The following FAM117A variants were observed in gnomAD, a reference collection of about 807,000 sequenced individuals.
The protein encoded by FAM117A is protein FAM117A.
Under a neutral mutation model 44.1 loss-of-function variants are expected in FAM117A, and 21 were observed. The ratio of observed to expected loss-of-function variants is 0.48; its 90% CI spans 0.34 to 0.69. The LOEUF is 0.69. FAM117A is among the 30% of genes least tolerant of loss of function. FAM117A has a pLI of 0.01. For missense variants in FAM117A, 498 were observed against 589.9 expected (o/e 0.84, Z 1.61); for synonymous variants, 220 against 238.3 (o/e 0.92, Z 0.71).
chr17:49,725,278 C>CT (rs1213254828), intron 2 of FAM117A, among the ~76,000 whole-genome samples: 1 of 152,188 alleles, frequency 6.6e-6, no homozygotes, highest in Non-Finnish European at 1.5e-5. Context: ...CAGATGGGCT[C>CT]TGAGTGTACA....
At chr17:49,755,273 T>C (rs1419203230) in intron 1 of FAM117A, among the ~76,000 whole-genome samples, 1 of 152,136 alleles carries the variant, frequency 6.6e-6, no homozygotes, top group East Asian at 1.9e-4. Flanking sequence ...GCTTTCAGCC[T>C]GATCACACCT....
chr17:49,718,598 G>A (rs907078689), intron 5 of FAM117A, among the ~76,000 whole-genome samples: 7 of 151,954 alleles, frequency 4.6e-5, no homozygotes, highest in African/African-American at 1.7e-4. Context: ...GTGAACCCAG[G>A]AGGCGGAGCT....
At chr17:49,782,101 C>T (rs1318269055) in intron 1 of FAM117A, among the ~76,000 whole-genome samples, 8 of 151,974 alleles carry the variant, frequency 5.3e-5, no homozygotes, top group South Asian at 4.1e-4. Flanking sequence ...TTGGGTCAGG[C>T]GTGGTGGCTC....
At chr17:49,724,117 C>T (rs939201544) in intron 2 of FAM117A, among the ~76,000 whole-genome samples, 1 of 152,068 alleles carries the variant, frequency 6.6e-6, no homozygotes, top group African/African-American at 2.4e-5. Flanking sequence ...AGGGTTCTAC[C>T]AGACAAAGCC....
In FAM117A at chr17:49,710,947, T is replaced by C. The variant is rs1203498465; in HGVS notation, c.*308A>G. ...AAATAAGGGCCTCCTATACAGTCAT[T>C]TGGACTGACACCCAGGGGTGGGGGA... On this transcript the variant is annotated 3_prime_UTR_variant, in exon 8 of 8. Coordinates refer to ENST00000240364, the MANE Select transcript of FAM117A (RefSeq NM_030802.4). The C allele has an allele frequency of 6.1e-5, 18 of 293,130 alleles. No individual in the cohort carries two copies. Among genetic ancestry groups the C allele is most frequent in the East Asian group, 3.7e-4 (6 of 16,118 alleles). The allele number at this position is 293,130 out of a possible 1,614,324, so 18.2% of individuals were successfully genotyped here.
At chr17:49,759,550 C>A (rs1053246302) in intron 1 of FAM117A, among the ~76,000 whole-genome samples, 4 of 152,186 alleles carry the variant, frequency 2.6e-5, no homozygotes, top group Non-Finnish European at 5.9e-5. Context: ...CTCATTATAG[C>A]AAGATGATGC....
At chr17:49,723,761 G>A (rs2073546375) in intron 2 of FAM117A, among the ~76,000 whole-genome samples, 1 of 151,954 alleles carries the variant, frequency 6.6e-6, no homozygotes. Context: ...GGCCGTATGT[G>A]ACAGCTGCAG....
intron 1 of FAM117A, 43 bp from the exon 2 acceptor site, chr17:49,732,763 G>A: frequency 6.3e-7 from 1 of 1,588,754 alleles, no homozygotes; most frequent in Non-Finnish European, 8.6e-7. Context: ...TCAGCATGGA[G>A]GAAGGAGACG....
Position 49,758,646 on chromosome 17 carries a change from T to A in FAM117A, c.196+5246A>T, listed in dbSNP as rs948694319. Reference sequence around the variant, plus strand: ...CAAAAAAAAAAAAAAATAAAATAAATAAATAAATAAATAAATAAATAAATA... The same window carrying A: ...CAAAAAAAAAAAAAAATAAAATAAAAAAATAAATAAATAAATAAATAAATA... On this transcript the variant is annotated intron_variant, in intron 1 of 7. Coordinates refer to ENST00000240364, the MANE Select transcript of FAM117A (RefSeq NM_030802.4). 6.7e-4 allele frequency among the ~76,000 whole-genome samples: 91 copies of A among 136,544 alleles called. No homozygotes were observed. In the East Asian group the frequency reaches 6.9e-3, roughly 10 times the overall value. 89.6% of individuals were successfully genotyped at this position (136,544 alleles called of 152,430 possible).
At position 49,711,351 on chromosome 17, in the gene FAM117A, C is replaced by T. The variant is rs372195564; in HGVS notation, c.1266G>A (p.Pro422=). 19 of 1,609,294 alleles carry T rather than the reference C, an allele frequency of 1.2e-5. No individual in the cohort carries two copies. The Admixed American group carries it at 1.5e-4, about 13-fold the overall frequency. ...GCAGTGGGGAGGCCTTGGAGGCTTC[C>T]GGATCCTTCCGAGGTGGTGGCCTGG... ...ASPRPPPRKD[P]EASKASPLPF... is the part of the protein sequence containing the mutation. The change falls in exon 8 of 8, where the codon CCG becomes CCA. Residue 422 remains proline (P), a synonymous_variant. Coordinates refer to ENST00000240364, the MANE Select transcript of FAM117A (RefSeq NM_030802.4).
rs535769861 is a variant in FAM117A at position 49,758,760 on chromosome 17, C to A, written c.196+5132G>T. Among the ~76,000 whole-genome samples the A allele has an allele frequency of 2.0e-5, 3 of 152,056 alleles. No homozygotes were observed. In the East Asian group the frequency reaches 5.8e-4, roughly 29 times the overall value. Reference sequence around the variant, plus strand: ...TCAGAACACTTGAGCTAGAGTCAAACGTGATAGTGTCAGTAAGAACTCCAT... The same window carrying A: ...TCAGAACACTTGAGCTAGAGTCAAAAGTGATAGTGTCAGTAAGAACTCCAT... On this transcript the variant is annotated intron_variant, in intron 1 of 7. Coordinates refer to ENST00000240364, the MANE Select transcript of FAM117A (RefSeq NM_030802.4).
chr17:49,751,316 C>A (rs1475786577), intron 1 of FAM117A, among the ~76,000 whole-genome samples: 1 of 149,834 alleles, frequency 6.7e-6, no homozygotes, highest in Admixed American at 6.6e-5. Flanking sequence ...CGCGCTGGCT[C>A]ACACCTGTAA....
rs1383951610 is a variant in FAM117A at position 49,710,871 on chromosome 17, A to G, written c.*384T>C. 1 of 171,122 alleles carries G rather than the reference A, an allele frequency of 5.8e-6. No individual in the cohort carries two copies. Among genetic ancestry groups the G allele is most frequent in the Non-Finnish European group, 1.3e-5 (1 of 78,636 alleles). The allele number at this position is 171,122 out of a possible 1,614,324, so 10.6% of individuals were successfully genotyped here. A position where few individuals can be genotyped will look rare whatever the true frequency, so the allele number is the denominator to read the frequency against. The stretch of plus-strand genomic sequence containing the variant: ...TGGTCTCCTGGAGGAGAGGGAAGGA[A>G]ATCTGTGGCGTCTTCTCTCCTTCGT... On this transcript the variant is annotated 3_prime_UTR_variant, in exon 8 of 8. Transcript: ENST00000240364.
Position 49,716,213 on chromosome 17 carries a change from C to T in FAM117A, c.1013G>A (p.Arg338Gln), listed in dbSNP as rs769173461. The T allele has an allele frequency of 1.2e-6, 2 of 1,613,760 alleles. No homozygotes were observed. The highest frequency in any genetic ancestry group is 1.7e-6 in the Non-Finnish European group (2 of 1,179,912). ...TTTCTCACAGCCTTCTGGGGGCTCC[C>T]GTTTGAAGATGTAGCTATGATTAGG... Reference protein sequence around the residue: ...PRPNHSYIFKREPPEGCEKVR... With the variant: ...PRPNHSYIFKQEPPEGCEKVR... The change falls in exon 7 of 8, where the codon CGG becomes CAG. Residue 338 changes from arginine (R) to glutamine (Q), a missense_variant. By Grantham distance (43) the Arg-to-Gln change is conservative. This residue lies in a region of FAM117A where 224 missense variants were observed against 296.5 expected (regional missense o/e 0.76). Coordinates refer to ENST00000240364, the MANE Select transcript of FAM117A (RefSeq NM_030802.4).
chr17:49,720,199 T>TG, intron 4 of FAM117A, 127 bp downstream of exon 4: 1 of 776,600 alleles, frequency 1.3e-6, no homozygotes. Context: ...AAGTTTGGAC[T>TG]AAAACTTCAC....
intron 2 of FAM117A, 39 bp downstream of exon 2, chr17:49,732,512 A>C (rs1271662811): frequency 3.7e-6 from 6 of 1,606,750 alleles, no homozygotes; most frequent in Non-Finnish European, 4.3e-6. Context: ...CTCCCGCCCC[A>C]TCCTTATCCC....
At chr17:49,751,943 C>CAAA (rs71146933) in intron 1 of FAM117A, among the ~76,000 whole-genome samples, 147 of 56,688 alleles carry the variant, frequency 2.6e-3, no homozygotes, top group South Asian at 4.5e-3. Flanking sequence ...GACTCCATCT[C>CAAA]AAAAAAAAAA....
intron 1 of FAM117A, chr17:49,732,973 A>C: frequency 6.4e-6 from 3 of 465,570 alleles, no homozygotes; most frequent in Non-Finnish European, 3.9e-6. Context: ...TACTTTATAA[A>C]TGTCCTCTAT....
chr17:49,782,856 T>C (rs1170524070), intron 1 of FAM117A, among the ~76,000 whole-genome samples: 3 of 152,222 alleles, frequency 2.0e-5, no homozygotes, highest in East Asian at 1.9e-4. Flanking sequence ...TTCCTGTACA[T>C]ACTTGTCCTA....
Sources: gnomAD v4.1 joint callset for allele counts (sites outside exome capture counted in the v4.1 genomes callset) on GRCh38, gnomAD v4.1.1 for gene constraint, gnomAD v4.1.1 regional missense constraint, MANE v1.5 for transcripts, NCBI Gene and HGNC (gene_info 2026-07-23, HGNC 2026-07-21) for gene names.